Variants in CNOT4 observed in about 807,000 individuals in gnomAD.
CNOT4 encodes CCR4-NOT transcription complex subunit 4.
Under a neutral mutation model 73.8 loss-of-function variants are expected in CNOT4, and 8 were observed. That is an observed-to-expected ratio of 0.11 (90% CI 0.06 to 0.20). The LOEUF (loss-of-function observed/expected upper bound fraction) is 0.20. Ranked by LOEUF, CNOT4 falls within the 10% of genes least tolerant of loss-of-function variation. The pLI is 1.00. For synonymous variants in CNOT4, 293 were observed against 321.1 expected, an observed-to-expected ratio of 0.91 and a Z score of 0.94; for missense variants, 564 against 883.4, an observed-to-expected ratio of 0.64 and a Z score of 4.58.
chr7:135,422,084 G>C, intron 3 of CNOT4, 72 bp downstream of exon 3: 2 of 873,318 alleles, frequency 2.3e-6, no homozygotes, highest in East Asian at 4.8e-5. Flanking sequence ...ATTGAGCAGG[G>C]TCAAATATTA....
rs550094433 is a variant in CNOT4 at position 135,402,487 on chromosome 7, C to T, written c.822-4261G>A. On this transcript the variant is annotated intron_variant, in intron 7 of 11. Transcript: ENST00000541284. ...CAGAGCTTTTTAAAATACATATATG[C>T]ACAAAATATATACATATTTATTTAT... Among the ~76,000 whole-genome samples the T allele has an allele frequency of 2.0e-5, 3 of 152,146 alleles. No individual in the cohort carries two copies. The South Asian group carries it at 6.2e-4, about 32-fold the overall frequency.
chr7:135,398,337 T>G (rs1796815418), intron 7 of CNOT4, 111 bp from the exon 8 acceptor site: 1 of 649,248 alleles, frequency 1.5e-6, no homozygotes, highest in Non-Finnish European at 2.7e-6. Flanking sequence ...TTAACAAATG[T>G]TTATTGAGGT....
chr7:135,493,233 G>A (rs554736680), intron 1 of CNOT4, among the ~76,000 whole-genome samples: 3 of 152,024 alleles, frequency 2.0e-5, no homozygotes, highest in Non-Finnish European at 2.9e-5. Context: ...GTCTCACTAC[G>A]TAGGCTAGGC....
At chr7:135,417,834 T>C (rs1797952650) in intron 3 of CNOT4, among the ~76,000 whole-genome samples, 1 of 152,210 alleles carries the variant, frequency 6.6e-6, no homozygotes, top group South Asian at 2.1e-4. Context: ...ATTGAGGTCT[T>C]TCTCATCCAG....
At chr7:135,419,509 T>C (rs1023796753) in intron 3 of CNOT4, among the ~76,000 whole-genome samples, 2 of 152,308 alleles carry the variant, frequency 1.3e-5, no homozygotes, top group Non-Finnish European at 2.9e-5. Context: ...GTCTCTGGTC[T>C]TTCTGGACTT....
chr7:135,457,787 T>C (rs1800636947), intron 1 of CNOT4, among the ~76,000 whole-genome samples: 1 of 152,152 alleles, frequency 6.6e-6, no homozygotes. Flanking sequence ...CCAAGGACTC[T>C]ATAGCATATA....
chr7:135,367,601 G>A (rs1022033543), intron 10 of CNOT4, among the ~76,000 whole-genome samples: 6 of 152,092 alleles, frequency 3.9e-5, no homozygotes, highest in African/African-American at 1.2e-4. Context: ...AATACCGAAC[G>A]GATAGTAAAT....
intron 1 of CNOT4, among the ~76,000 whole-genome samples, chr7:135,497,104 G>T (rs1803637798): frequency 6.6e-6 from 1 of 151,810 alleles, no homozygotes; most frequent in Non-Finnish European, 1.5e-5. Context: ...ACTGCACCCA[G>T]CTCTTTTTTA....
intron 1 of CNOT4, among the ~76,000 whole-genome samples, chr7:135,444,147 T>TAAG (rs1563054313): frequency 1.2e-5 from 1 of 80,610 alleles, no homozygotes; most frequent in African/African-American, 3.9e-5. Context: ...TTTCAAAAAA[T>TAAG]AATAATAATA....
At chr7:135,474,276 A>ATTTTTTTT (rs869203152) in intron 1 of CNOT4, among the ~76,000 whole-genome samples, 1 of 87,974 alleles carries the variant, frequency 1.1e-5, no homozygotes, top group Non-Finnish European at 2.2e-5. Context: ...CTGTGCCCAA[A>ATTTTTTTT]TTTTTTTTTT....
intron 1 of CNOT4, among the ~76,000 whole-genome samples, chr7:135,459,860 A>G (rs1800767002): frequency 6.6e-6 from 1 of 152,214 alleles, no homozygotes; most frequent in African/African-American, 2.4e-5. Flanking sequence ...TTTCACCTAC[A>G]TTGAAAATCT....
chr7:135,423,199 C>T (rs1362052409), intron 2 of CNOT4, among the ~76,000 whole-genome samples: 1 of 151,812 alleles, frequency 6.6e-6, no homozygotes, highest in Non-Finnish European at 1.5e-5. Context: ...TTCTTCCCTC[C>T]CCCAAGACCC....
At chr7:135,492,308 C>G (rs1803162277) in intron 1 of CNOT4, among the ~76,000 whole-genome samples, 1 of 152,028 alleles carries the variant, frequency 6.6e-6, no homozygotes, top group Non-Finnish European at 1.5e-5. Flanking sequence ...TTCAGCCGCA[C>G]AGATGTAGAT....
In CNOT4 at chr7:135,422,286, T is replaced by A; in HGVS notation, c.242A>T (p.Glu81Val). ...SQEELQRIKN[E>V]KKQKQNERKQ... The stretch of plus-strand genomic sequence containing the variant: ...TCTCTCATTTTGTTTCTGTTTTTTC[T>A]CATTCTTTATCCTTTGCAGCTCTTC... The change falls in exon 3 of 12, where the codon GAG becomes GTG. Residue 81 changes from glutamate (E) to valine (V), a missense_variant. By Grantham distance (121) the Glu-to-Val change is moderately radical (BLOSUM62 -2). Coordinates refer to ENST00000541284, the MANE Select transcript of CNOT4 (RefSeq NM_001190850.2). 1 of 1,585,472 alleles carries A rather than the reference T, an allele frequency of 6.3e-7. No individual in the cohort carries two copies. The highest frequency in any genetic ancestry group is 1.7e-5 in the Admixed American group (1 of 59,976).
intron 9 of CNOT4, 120 bp downstream of exon 9, chr7:135,395,514 T>C: frequency 1.7e-6 from 2 of 1,160,958 alleles, no homozygotes; most frequent in African/African-American, 1.5e-5. Flanking sequence ...TATTTGCATT[T>C]TTATTAAAAG....
Position 135,362,627 on chromosome 7 carries a change from TCTCTCCTTAAAAAGGCA to T in CNOT4, c.*241_*257del. On this transcript the variant is annotated 3_prime_UTR_variant, in exon 12 of 12. Transcript: ENST00000541284. ...TTGAGACTGCCCTTTGATTTTTTTT[TCTCTCCTTAAAAAGGCA>T]TTTTTAGAAACATTCAACAGTGTCA... 6.8e-6 allele frequency: 4 copies of T among 586,620 alleles called. No individual in the cohort carries two copies. Among genetic ancestry groups the T allele is most frequent in the Middle Eastern group, 2.9e-4 (1 of 3,484 alleles). The allele number at this position is 586,620 out of a possible 1,614,324, so 36.3% of individuals were successfully genotyped here.
intron 1 of CNOT4, among the ~76,000 whole-genome samples, chr7:135,473,039 T>C (rs1409214454): frequency 1.3e-5 from 2 of 148,588 alleles, no homozygotes; most frequent in African/African-American, 2.5e-5. Flanking sequence ...AGACTCTGTC[T>C]CAAAAAAAAA....
At chr7:135,403,759 T>C (rs1320522169) in intron 7 of CNOT4, among the ~76,000 whole-genome samples, 1 of 152,180 alleles carries the variant, frequency 6.6e-6, no homozygotes, top group African/African-American at 2.4e-5. Flanking sequence ...TATTAATAAG[T>C]ACAAAGAATT....
chr7:135,466,911 G>C (rs1801257950), intron 1 of CNOT4, among the ~76,000 whole-genome samples: 1 of 152,138 alleles, frequency 6.6e-6, no homozygotes, highest in Non-Finnish European at 1.5e-5. Flanking sequence ...CTAGGTTTGT[G>C]TAAGTACACT....
Sources: gnomAD v4.1 joint callset for allele counts (sites outside exome capture counted in the v4.1 genomes callset) on GRCh38, gnomAD v4.1.1 for gene constraint, MANE v1.5 for transcripts, NCBI Gene and HGNC (gene_info 2026-07-23, HGNC 2026-07-21) for gene names.